SMARCA2: variants seen among roughly 807,000 people sequenced by gnomAD.
SMARCA2 encodes SWI/SNF-related matrix-associated actin-dependent regulator of chromatin subfamily A member 2.
In SMARCA2, 61 loss-of-function variants were observed where a neutral mutation model predicts 199.8. The observed-to-expected ratio is 0.31, with a 90% CI of 0.25 to 0.38. The LOEUF (loss-of-function observed/expected upper bound fraction) is 0.38, where lower values mean the gene tolerates loss of function less well. SMARCA2 is among the 10% of genes least tolerant of loss of function. SMARCA2 has a pLI of 1.00. For synonymous variants in SMARCA2, 935 were observed against 732.0 expected (o/e 1.28, Z -4.48); for missense variants, 1,344 against 2,012.2 (o/e 0.67, Z 6.35).
At chr9:2,156,581 G>A (rs549431033) in intron 27 of SMARCA2, among the ~76,000 whole-genome samples, 3 of 151,870 alleles carry the variant, frequency 2.0e-5, no homozygotes, top group Admixed American at 6.6e-5. Context: ...CAGGGCATGC[G>A]CCACCATGCC....
rs1049532313 is a variant in SMARCA2, at chr9:2,170,210, G to T, written c.4200-209G>T. 4.6e-5 allele frequency among the ~76,000 whole-genome samples: 7 copies of T among 152,110 alleles called. No homozygotes were observed. Among genetic ancestry groups the T allele is most frequent in the Admixed American group, 2.0e-4 (3 of 15,274 alleles). ...ACGGAAGTAGGAAAATCCCAGAAAG[G>T]TTAGGAAATCCACTTCCCCCACCAT... On this transcript the variant is annotated intron_variant, in intron 28 of 33. Transcript: ENST00000349721. The surrounding 1 kb of genome is among the most constrained non-coding windows in gnomAD (Gnocchi z 4.7).
At chr9:2,134,063 C>T (rs117902221) in intron 27 of SMARCA2, among the ~76,000 whole-genome samples, 3,737 of 152,206 alleles carry the variant, frequency 0.025, 94 homozygotes, top group Non-Finnish European at 0.032. Flanking sequence ...ATAAGAAGGA[C>T]TCAGAAATAC....
rs1046505578 is a variant in SMARCA2 at position 2,033,231 on chromosome 9, C to T, written c.355+150C>T. On this transcript the variant is annotated intron_variant, in intron 3 of 33. Transcript: ENST00000349721. The stretch of plus-strand genomic sequence containing the variant: ...TTCCTTATGGAAATCTACCTCCGTC[C>T]TCACCAATACAACCTGATGATTTAT... 4.0e-6 allele frequency: 3 copies of T among 742,260 alleles called. No homozygotes were observed. In the African/African-American group the frequency reaches 5.3e-5, roughly 13 times the overall value. 46.0% of individuals were successfully genotyped at this position (742,260 alleles called of 1,614,324 possible). A position where few individuals can be genotyped will look rare whatever the true frequency, so the allele number is the denominator to read the frequency against.
chr9:2,131,052 T>G (rs1460136562), intron 27 of SMARCA2, among the ~76,000 whole-genome samples: 2 of 152,216 alleles, frequency 1.3e-5, no homozygotes, highest in Admixed American at 6.5e-5. Flanking sequence ...TCTGCCAACT[T>G]CAGAATCCTT....
At chr9:2,186,751 C>G (rs1466016329) in intron 32 of SMARCA2, among the ~76,000 whole-genome samples, 1 of 152,218 alleles carries the variant, frequency 6.6e-6, no homozygotes, top group Non-Finnish European at 1.5e-5. Context: ...GTCTCAAACT[C>G]CTGGCCTCAC....
chr9:2,019,139 GAA>G (rs199837150), intron 1 of SMARCA2, among the ~76,000 whole-genome samples: 13 of 145,410 alleles, frequency 8.9e-5, no homozygotes, highest in African/African-American at 2.3e-4. Flanking sequence ...AGACTGAGGG[GAA>G]AAAAAAAAAC....
chr9:2,142,612 A>C (rs1219126169), intron 27 of SMARCA2, among the ~76,000 whole-genome samples: 1 of 152,218 alleles, frequency 6.6e-6, no homozygotes, highest in Non-Finnish European at 1.5e-5. Context: ...TAGCCTGTAG[A>C]GTTGAACGTC....
At chr9:2,058,121 T>C (rs1315925936) in intron 7 of SMARCA2, 170 bp from the exon 8 acceptor site, 1 of 610,800 alleles carries the variant, frequency 1.6e-6, no homozygotes, top group East Asian at 2.7e-5. Context: ...ACCAGCCCCA[T>C]GGCCCACACC....
In SMARCA2 at chr9:2,186,128, G is replaced by A. The variant is rs375477038; in HGVS notation, c.4494G>A (p.Val1498=). ...AAGACTCCATCGTCTTACAGTCAGT[G>A]TTTAAGAGTGCCCGGCAGAAAATTG... The part of the protein sequence containing the change: ...IYEDSIVLQS[V]FKSARQKIAK... Residue 1498 remains valine, a synonymous_variant, in exon 32 of 34, where the codon GTG becomes GTA. Transcript: ENST00000349721. 4.3e-5 allele frequency: 70 copies of A among 1,614,006 alleles called. No individual in the cohort carries two copies. Among genetic ancestry groups the A allele is most frequent in the Middle Eastern group, 1.6e-4 (1 of 6,084 alleles).
intron 29 of SMARCA2, among the ~76,000 whole-genome samples, chr9:2,180,932 T>A (rs142680387): frequency 3.3e-5 from 5 of 152,144 alleles, no homozygotes; most frequent in Non-Finnish European, 7.4e-5. Flanking sequence ...CAAATTGCTC[T>A]ACACACACAC....
In SMARCA2 at chr9:2,119,769, T is replaced by C. The variant is rs1343016771; in HGVS notation, c.3762+234T>C. On this transcript the variant is annotated intron_variant, in intron 26 of 33. Transcript: ENST00000349721. The surrounding 1 kb of genome is among the most constrained non-coding windows in gnomAD (Gnocchi z 4.6). ...TTGCCAACATAAAAAAGAATCCTGA[T>C]TTCTGGCTTCTCTTGAAAAATGAGA... 6.6e-6 allele frequency among the ~76,000 whole-genome samples: 1 copy of C among 152,234 alleles called. No individual in the cohort carries two copies. The highest frequency in any genetic ancestry group is 1.5e-5 in the Non-Finnish European group (1 of 68,036).
rs2130246890 is a variant in SMARCA2, at chr9:2,039,620, T to C, written c.510T>C (p.Gly170=). ...DPQAMSQPNR[G]PSPFSPVQLH... is the part of the protein sequence containing the mutation. ...AGGCCATGAGCCAGCCCAACAGAGGTCCCTCACCTTTCAGTCCTGTCCAGC... is the reference window on the plus strand; with the variant it reads ...AGGCCATGAGCCAGCCCAACAGAGGCCCCTCACCTTTCAGTCCTGTCCAGC... Residue 170 remains glycine (G), a synonymous_variant, in exon 4 of 34, where the codon GGT becomes GGC. Coordinates refer to ENST00000349721, the MANE Select transcript of SMARCA2 (RefSeq NM_003070.5). This position sits in a 1 kb window ranked among gnomAD's most constrained non-coding sequence, Gnocchi z 4.8. 1 of 1,613,852 alleles carries C rather than the reference T, an allele frequency of 6.2e-7. No homozygotes were observed. Among genetic ancestry groups the C allele is most frequent in the African/African-American group, 1.3e-5 (1 of 74,886 alleles).
chr9:2,159,986 C>G, intron 27 of SMARCA2: 5 of 1,540,700 alleles, frequency 3.2e-6, no homozygotes, highest in Non-Finnish European at 3.5e-6. Context: ...TGTAACACAT[C>G]AAAAGCCGGT....
chr9:2,053,836 T>A (rs1820235019), intron 5 of SMARCA2, among the ~76,000 whole-genome samples: 1 of 152,150 alleles, frequency 6.6e-6, no homozygotes, highest in Admixed American at 6.5e-5. Context: ...AAGTCAGAGG[T>A]CTTTTATTTT....
chr9:2,186,669 G>A (rs1827481853), intron 32 of SMARCA2, among the ~76,000 whole-genome samples: 2 of 152,072 alleles, frequency 1.3e-5, no homozygotes, highest in Non-Finnish European at 2.9e-5. Flanking sequence ...GGAATTACAG[G>A]CGTGTGCCAC....
chr9:2,158,987 T>G (rs1365208595), intron 27 of SMARCA2: 1 of 1,611,986 alleles, frequency 6.2e-7, no homozygotes, highest in Non-Finnish European at 8.5e-7. Context: ...TGGTCAGTAC[T>G]TTGTGTGTTT....
chr9:2,043,678 G>A (rs967102162), intron 4 of SMARCA2: 3 of 152,242 alleles, frequency 2.0e-5, no homozygotes, highest in African/African-American at 7.2e-5. Flanking sequence ...TGTCCTGTAT[G>A]CCGGAAGACT....
rs1586610573 is a variant in SMARCA2 at position 2,017,304 on chromosome 9, T to G, written c.-37+1900T>G. 1.4e-5 allele frequency: 2 copies of G among 140,562 alleles called. No individual in the cohort carries two copies. Among genetic ancestry groups the G allele is most frequent in the African/African-American group, 2.7e-5 (1 of 37,014 alleles). The allele number at this position is 140,562 out of a possible 1,614,324, so 8.7% of individuals were successfully genotyped here. A position where few individuals can be genotyped will look rare whatever the true frequency, so the allele number is the denominator to read the frequency against. The stretch of plus-strand genomic sequence containing the variant: ...AAAAAAGTTTGGCAGGGCGGCTAAG[T>G]AGGGTGGAGGGGTGGGAGGGGGCTG... On this transcript the variant is annotated intron_variant, in intron 1 of 33. Coordinates refer to ENST00000349721, the MANE Select transcript of SMARCA2 (RefSeq NM_003070.5). This position sits in a 1 kb window ranked among gnomAD's most constrained non-coding sequence, Gnocchi z 8.8.
chr9:2,115,753 G>A lies in SMARCA2; in HGVS notation c.3457-69G>A. ...AGAACCCTTCCATATTTCCCTCTGGGGTGGGGTCCGGTTTTGGATGCCTAT... is the reference window on the plus strand; with the variant it reads ...AGAACCCTTCCATATTTCCCTCTGGAGTGGGGTCCGGTTTTGGATGCCTAT... On this transcript the variant is annotated intron_variant, in intron 24 of 33. Transcript: ENST00000349721. The surrounding 1 kb of genome is among the most constrained non-coding windows in gnomAD (Gnocchi z 6.0). 8.2e-7 allele frequency: 1 copy of A among 1,226,852 alleles called. No individual in the cohort carries two copies. The highest frequency in any genetic ancestry group is 1.2e-6 in the Non-Finnish European group (1 of 846,640). The allele number at this position is 1,226,852 out of a possible 1,614,324, so 76.0% of individuals were successfully genotyped here.
Sources: gnomAD v4.1 joint callset for allele counts (sites outside exome capture counted in the v4.1 genomes callset) on GRCh38, gnomAD v4.1.1 for gene constraint, Gnocchi (gnomAD v3.1) non-coding constraint, MANE v1.5 for transcripts, NCBI Gene and HGNC (gene_info 2026-07-23, HGNC 2026-07-21) for gene names.